SYNE2: variants seen among roughly 807,000 people sequenced by gnomAD.
The protein encoded by SYNE2 is spectrin repeat containing nuclear envelope protein 2.
SYNE2 carries 431 observed loss-of-function variants against 856.3 expected under a neutral mutation model. The ratio of observed to expected loss-of-function variants is 0.50; its 90% CI spans 0.47 to 0.55. The LOEUF (loss-of-function observed/expected upper bound fraction) is 0.55. Ranked by LOEUF, SYNE2 falls within the 20% of genes least tolerant of loss-of-function variation. The probability of loss-of-function intolerance (pLI) is 0.00; values close to 1 mark genes in which losing one functional copy is unlikely to be tolerated. For synonymous variants in SYNE2, 2,923 were observed against 2,872.3 expected (o/e 1.02, Z -0.56); for missense variants, 8,129 against 8,023.2 (o/e 1.01, Z -0.50).
At chr14:64,117,073 C>A (rs1567348263) in intron 66 of SYNE2, among the ~76,000 whole-genome samples, 1 of 152,126 alleles carries the variant, frequency 6.6e-6, no homozygotes, top group Non-Finnish European at 1.5e-5. Context: ...ACAAGACCCC[C>A]AATGGATGCC....
intron 2 of SYNE2, among the ~76,000 whole-genome samples, chr14:63,918,818 C>G (rs1282236815): frequency 6.6e-6 from 1 of 152,108 alleles, no homozygotes; most frequent in Non-Finnish European, 1.5e-5. Context: ...GCACCTGGCT[C>G]AAAGGTGGAG....
At position 64,178,842 on chromosome 14, in the gene SYNE2, G is replaced by A. The variant is rs145251742; in HGVS notation, c.17556+1359G>A. 1.8e-4 allele frequency among the ~76,000 whole-genome samples: 27 copies of A among 152,252 alleles called. 1 individual carries two copies. The highest frequency in any genetic ancestry group is 5.8e-4 in the African/African-American group (24 of 41,544). ...TCCCAGCACTTTGGGAGGCTGCAGCGGGAGGATCCCTTGAGTCCAGCAGTT... is the reference window on the plus strand; with the variant it reads ...TCCCAGCACTTTGGGAGGCTGCAGCAGGAGGATCCCTTGAGTCCAGCAGTT... On this transcript the variant is annotated intron_variant, in intron 96 of 115. Transcript: ENST00000555002.
intron 1 of SYNE2, among the ~76,000 whole-genome samples, chr14:63,891,285 A>G (rs560564959): frequency 6.6e-6 from 1 of 152,326 alleles, no homozygotes; most frequent in South Asian, 2.1e-4. Flanking sequence ...GAAATGTGGC[A>G]CGAGGAGGCG....
intron 99 of SYNE2, chr14:64,202,356 G>GT: frequency 1.4e-6 from 1 of 698,980 alleles, no homozygotes; most frequent in Non-Finnish European, 2.6e-6. Context: ...AACCAGGCGT[G>GT]TAACATCTTT....
intron 82 of SYNE2, 63 bp from the exon 83 acceptor site, chr14:64,143,709 G>A (rs2098159171): frequency 1.3e-6 from 2 of 1,579,798 alleles, no homozygotes; most frequent in East Asian, 4.5e-5. Flanking sequence ...GCACATAAAG[G>A]GAAATCCATT....
intron 11 of SYNE2, among the ~76,000 whole-genome samples, chr14:63,974,888 G>GTATATATA (rs1370206967): frequency 7.2e-4 from 19 of 26,450 alleles, no homozygotes; most frequent in South Asian, 2.6e-3. Context: ...GTGTGTGTGT[G>GTATATATA]TGTGTATATA....
intron 1 of SYNE2, among the ~76,000 whole-genome samples, chr14:63,837,752 T>A (rs1595160148): frequency 6.6e-6 from 1 of 151,314 alleles, no homozygotes; most frequent in South Asian, 2.1e-4. Flanking sequence ...CCCCTGTCTC[T>A]ACAAAAAAAT....
intron 1 of SYNE2, among the ~76,000 whole-genome samples, chr14:63,854,699 C>A (rs1891297031): frequency 2.0e-5 from 3 of 152,116 alleles, no homozygotes. Context: ...GGTCAGCTAG[C>A]CTTAAAATTG....
intron 100 of SYNE2, among the ~76,000 whole-genome samples, chr14:64,205,952 A>G (rs544193901): frequency 3.2e-4 from 48 of 152,124 alleles, no homozygotes; most frequent in South Asian, 1.9e-3. Flanking sequence ...CCATCCCAAT[A>G]CCATCCTGTC....
chr14:63,801,168 C>T (rs1274554719), intron 1 of SYNE2, among the ~76,000 whole-genome samples: 5 of 151,964 alleles, frequency 3.3e-5, no homozygotes, highest in Non-Finnish European at 5.9e-5. Context: ...TGCAGAGTGC[C>T]TGCCAGATAT....
intron 1 of SYNE2, among the ~76,000 whole-genome samples, chr14:63,802,700 G>C (rs976117264): frequency 6.6e-6 from 1 of 152,154 alleles, no homozygotes; most frequent in African/African-American, 2.4e-5. Flanking sequence ...TTAACGTGGC[G>C]CGTCTGGAGT....
chr14:63,988,113 C>T (rs1001751658), intron 19 of SYNE2, among the ~76,000 whole-genome samples: 1 of 152,106 alleles, frequency 6.6e-6, no homozygotes, highest in African/African-American at 2.4e-5. Context: ...AGACAGGGTT[C>T]TGCTCTGTCA....
Position 64,215,335 on chromosome 14 carries a change from A to T in SYNE2, c.19383A>T (p.Lys6461Asn). 1 of 1,614,094 alleles carries T rather than the reference A, an allele frequency of 6.2e-7. No homozygotes were observed. The highest frequency in any genetic ancestry group is 8.5e-7 in the Non-Finnish European group (1 of 1,180,012). The change falls in exon 107 of 116, where the codon AAA (lysine) becomes AAT (asparagine). Residue 6461 changes from lysine (K) to asparagine (N), a missense_variant. Physicochemically the swap from Lys to Asn is moderately conservative, Grantham distance 94. Transcript: ENST00000555002. Reference protein sequence around the residue: ...NPEAYLKMTTKTLKASSGKSI... With the variant: ...NPEAYLKMTTNTLKASSGKSI... ...AGGCATATCTTAAAATGACCACAAA[A>T]ACTTTGAAAGCGTCTTCTGGTAGGC...
chr14:64,190,647 G>A (rs1286415870), intron 99 of SYNE2: 2 of 701,632 alleles, frequency 2.9e-6, no homozygotes, highest in South Asian at 1.5e-5. Context: ...TGGATGCTGG[G>A]GGCCCATGAC....
In SYNE2 at chr14:63,765,439, G is replaced by A. The variant is rs184531862; in HGVS notation, c.-305+3453G>A. Among the ~76,000 whole-genome samples the A allele has an allele frequency of 1.1e-3, 162 of 152,164 alleles. 3 individuals carry two copies. Among genetic ancestry groups the A allele is most frequent in the Admixed American group, 9.6e-3 (146 of 15,278 alleles). On this transcript the variant is annotated intron_variant, in intron 1 of 23. Coordinates refer to the SYNE2 transcript ENST00000674003. The stretch of plus-strand genomic sequence containing the variant: ...GCGATCTCGGCTCACTGCAAGCTCC[G>A]CCTCCTGGGTTCACACCATTCTCCC...
chr14:63,815,818 T>A (rs901469807), intron 1 of SYNE2, among the ~76,000 whole-genome samples: 1 of 152,138 alleles, frequency 6.6e-6, no homozygotes, highest in South Asian at 2.1e-4. Context: ...TTACAAGATA[T>A]GCTTCAAGCC....
rs548803933 is a variant in SYNE2, at chr14:63,996,568, G to A, written c.2941-379G>A. On this transcript the variant is annotated intron_variant, in intron 23 of 115. Coordinates refer to ENST00000555002, the MANE Select transcript of SYNE2 (RefSeq NM_182914.3). ...GCTTTTCATTATCTTCGTGCTTTTC[G>A]TCCTCTTGGTGGTCCTTCTGCTAGA... Among the ~76,000 whole-genome samples the A allele has an allele frequency of 9.5e-4, 145 of 151,890 alleles. 1 individual carries two copies. The highest frequency in any genetic ancestry group is 3.0e-3 in the African/African-American group (125 of 41,416).
At chr14:63,786,448 C>G (rs953930750) in intron 1 of SYNE2, among the ~76,000 whole-genome samples, 1 of 152,160 alleles carries the variant, frequency 6.6e-6, no homozygotes, top group African/African-American at 2.4e-5. Context: ...CCTTCTTCCA[C>G]CCATTACTTT....
intron 19 of SYNE2, among the ~76,000 whole-genome samples, chr14:63,988,999 G>C (rs1000886811): frequency 6.6e-6 from 1 of 152,130 alleles, no homozygotes; most frequent in African/African-American, 2.4e-5. Context: ...TTGCTAACTT[G>C]AGAAGTGAAA....
Sources: allele counts gnomAD v4.1 joint callset (sites outside exome capture counted in the v4.1 genomes callset), GRCh38; gene constraint gnomAD v4.1.1; transcripts MANE v1.5; gene names NCBI Gene and HGNC (gene_info 2026-07-23, HGNC 2026-07-21).